The following CYP2A13 variants were observed in gnomAD, a reference collection of about 807,000 sequenced individuals.
The protein encoded by CYP2A13 is cytochrome P450 family 2 subfamily A member 13.
In CYP2A13, 30 loss-of-function variants were observed where a neutral mutation model predicts 39.4. The observed-to-expected ratio is 0.76, with a 90% CI of 0.57 to 1.03. The LOEUF is 1.03. Ranked by LOEUF, CYP2A13 falls within the 50% of genes least tolerant of loss-of-function variation. The pLI is 0.00. For synonymous variants in CYP2A13, 269 were observed against 254.7 expected (o/e 1.06, Z -0.54); for missense variants, 731 against 648.4 (o/e 1.13, Z -1.38).
At chr19:41,091,947 G>A in intron 5 of CYP2A13, 39 bp downstream of exon 5, 1 of 1,608,082 alleles carries the variant, frequency 6.2e-7, no homozygotes, top group East Asian at 2.2e-5. Flanking sequence ...TGCAAAGCCA[G>A]GGAGAGGGAA....
At chr19:41,091,351 C>T (rs1386990760) in intron 4 of CYP2A13, among the ~76,000 whole-genome samples, 1 of 152,144 alleles carries the variant, frequency 6.6e-6, no homozygotes, top group Non-Finnish European at 1.5e-5. Flanking sequence ...CACTTGAATG[C>T]CTAAATACCT....
In CYP2A13 at chr19:41,095,953, G is replaced by A; in HGVS notation, c.*12G>A. ...TCCTGCCCCGCTGAGCGAGGGCTGT[G>A]CTGGTGCAGGGCTGGTGGGCGGGGC... On this transcript the variant is annotated 3_prime_UTR_variant, in exon 9 of 9. Transcript: ENST00000330436. The A allele has an allele frequency of 1.2e-6, 2 of 1,613,544 alleles. No individual in the cohort carries two copies. The highest frequency in any genetic ancestry group is 8.5e-7 in the Non-Finnish European group (1 of 1,179,806).
intron 5 of CYP2A13, among the ~76,000 whole-genome samples, chr19:41,092,312 T>TAA (rs529985444): frequency 0.011 from 592 of 53,794 alleles, 19 homozygotes; most frequent in Admixed American, 0.02. Context: ...CAAGACCCTG[T>TAA]AAAAAAAAAA....
chr19:41,089,108 G>C lies in CYP2A13; in HGVS notation c.343+17G>C, dbSNP rs778457382. On this transcript the variant is annotated intron_variant, in intron 2 of 8. Transcript: ENST00000330436. Reference sequence around the variant, plus strand: ...AAGGCTATGGTGAGGGGGTGCCCAAGAGGGGGAAGGTGGCCAGGTGGATGC... The same window carrying C: ...AAGGCTATGGTGAGGGGGTGCCCAACAGGGGGAAGGTGGCCAGGTGGATGC... The C allele has an allele frequency of 6.2e-7, 1 of 1,611,586 alleles. No individual in the cohort carries two copies. Among genetic ancestry groups the C allele is most frequent in the Non-Finnish European group, 8.5e-7 (1 of 1,179,520 alleles).
chr19:41,093,256 T>C (rs1236868439), intron 5 of CYP2A13, among the ~76,000 whole-genome samples: 3 of 151,642 alleles, frequency 2.0e-5, no homozygotes, highest in Non-Finnish European at 4.4e-5. Context: ...TGAGCCTGCA[T>C]AGTCATGTGC....
Position 41,089,060 on chromosome 19 carries a change from G to A in CYP2A13, c.312G>A (p.Gln104=), listed in dbSNP as rs537708489. The change falls in exon 2 of 9, where the codon CAG becomes CAA. Residue 104 remains glutamine, a synonymous_variant. Transcript: ENST00000330436. The part of the protein sequence containing the change: ...QAEEFSGRGE[Q]ATFDWLFKGY... Reference sequence around the variant, plus strand: ...AGGAGTTCAGCGGGCGAGGCGAGCAGGCCACCTTCGACTGGCTCTTCAAAG... The same window carrying A: ...AGGAGTTCAGCGGGCGAGGCGAGCAAGCCACCTTCGACTGGCTCTTCAAAG... The A allele has an allele frequency of 1.3e-4, 217 of 1,612,878 alleles. No homozygotes were observed. Among genetic ancestry groups the A allele is most frequent in the South Asian group, 1.0e-3 (95 of 91,018 alleles).
At position 41,091,748 on chromosome 19, in the gene CYP2A13, C is replaced by T. The variant is rs778362842; in HGVS notation, c.671C>T (p.Ser224Phe). The T allele has an allele frequency of 8.7e-6, 14 of 1,613,882 alleles. No homozygotes were observed. In the East Asian group the frequency reaches 2.9e-4, roughly 33 times the overall value. The change falls in exon 5 of 9, where the codon TCT becomes TTT. Residue 224 changes from serine (S) to phenylalanine (F), a missense_variant. By Grantham distance (155) the Ser-to-Phe change is radical. Coordinates refer to ENST00000330436, the MANE Select transcript of CYP2A13 (RefSeq NM_000766.5). ...TSTGQLYEMF[S>F]SVMKHLPGPQ... ...CAACCCCAGCTCTATGAGATGTTCT[C>T]TTCGGTGATGAAACACCTGCCAGGA...
At chr19:41,095,161 A>T (rs1015660644) in intron 8 of CYP2A13, 61 bp downstream of exon 8, 5 of 1,612,462 alleles carry the variant, frequency 3.1e-6, no homozygotes, top group African/African-American at 2.7e-5. Context: ...TCTCTCACCC[A>T]CCTCCCCTCT....
chr19:41,091,878 C>T lies in CYP2A13; in HGVS notation c.801C>T (p.Phe267=). 1 of 1,614,246 alleles carries T rather than the reference C, an allele frequency of 6.2e-7. No individual in the cohort carries two copies. Residue 267 remains phenylalanine (F), a synonymous_variant, in exon 5 of 9, where the codon TTC becomes TTT. Transcript: ENST00000330436. ...TGGATCCCAATTCCCCACGGGACTTCATCGACTCCTTTCTCATCCGCATGC... is the reference window on the plus strand; with the variant it reads ...TGGATCCCAATTCCCCACGGGACTTTATCGACTCCTTTCTCATCCGCATGC... ...RTLDPNSPRD[F]IDSFLIRMQE...
chr19:41,090,258 T>C, intron 3 of CYP2A13, 62 bp downstream of exon 3: 11 of 1,558,002 alleles, frequency 7.1e-6, no homozygotes, highest in Non-Finnish European at 9.6e-6. Context: ...GGATGGGGAC[T>C]AGGTGGGGAA....
intron 2 of CYP2A13, among the ~76,000 whole-genome samples, chr19:41,089,811 T>C (rs1379420894): frequency 8.4e-4 from 4 of 4,754 alleles, no homozygotes; most frequent in East Asian, 4.1e-3. Flanking sequence ...CCGGTCTCTC[T>C]CTCTCTCTCT....
In CYP2A13 at chr19:41,090,398, C is replaced by G; in HGVS notation, c.494-6C>G. The G allele has an allele frequency of 6.2e-7, 1 of 1,614,092 alleles. No homozygotes were observed. Among genetic ancestry groups the G allele is most frequent in the Non-Finnish European group, 8.5e-7 (1 of 1,180,032 alleles). On this transcript the variant is annotated splice_region_variant and splice_polypyrimidine_tract_variant and intron_variant, in intron 3 of 8. Transcript: ENST00000330436. ...CCCCAACCCCCTTCTCCCGCCACAC[C>G]TGCAGGCGCCAATATCGATCCCACC...
Position 41,090,427 on chromosome 19 carries a change from T to C in CYP2A13, c.517T>C (p.Phe173Leu), listed in dbSNP as rs201180190. 1.4e-5 allele frequency: 23 copies of C among 1,614,160 alleles called. No individual in the cohort carries two copies. Among genetic ancestry groups the C allele is most frequent in the Non-Finnish European group, 1.8e-5 (21 of 1,180,030 alleles). The change falls in exon 4 of 9, where the codon TTC becomes CTC. Residue 173 changes from phenylalanine (F) to leucine (L), a missense_variant. By Grantham distance (22) the Phe-to-Leu change is conservative. Coordinates refer to ENST00000330436, the MANE Select transcript of CYP2A13 (RefSeq NM_000766.5). ...AGGCGCCAATATCGATCCCACCTTC[T>C]TCCTGAGCCGCACAGTCTCCAATGT... ...THGANIDPTF[F>L]LSRTVSNVIS...
At chr19:41,094,582 C>G in intron 7 of CYP2A13, 150 bp downstream of exon 7, 1 of 894,720 alleles carries the variant, frequency 1.1e-6, no homozygotes, top group Non-Finnish European at 1.7e-6. Flanking sequence ...CACATCTGTT[C>G]CACCTTTCCA....
chr19:41,095,078 T>A lies in CYP2A13; in HGVS notation c.1281T>A (p.Asp427Glu). The A allele has an allele frequency of 6.2e-7, 1 of 1,614,180 alleles. No homozygotes were observed. The highest frequency in any genetic ancestry group is 8.5e-7 in the Non-Finnish European group (1 of 1,180,030). Residue 427 changes from aspartate to glutamate, a missense_variant, in exon 8 of 9, where the codon GAT (aspartate) becomes GAA (glutamate). Transcript: ENST00000330436. ...AGAAGGGGCAGTTTAAGAAGAGTGA[T>A]GCTTTTGTGCCCTTTTCCATCGGTA... ...LDKKGQFKKS[D>E]AFVPFSIGKR...
intron 6 of CYP2A13, 145 bp from the exon 7 acceptor site, chr19:41,094,100 C>G: frequency 1.5e-6 from 2 of 1,344,754 alleles, no homozygotes; most frequent in Non-Finnish European, 2.0e-6. Flanking sequence ...TGCAACAATG[C>G]GAATGGCTGA....
rs1462517959 is a variant in CYP2A13 at position 41,095,086 on chromosome 19, T to C, written c.1289T>C (p.Val430Ala). The C allele has an allele frequency of 6.2e-7, 1 of 1,614,158 alleles. No homozygotes were observed. Among genetic ancestry groups the C allele is most frequent in the Admixed American group, 1.7e-5 (1 of 60,008 alleles). The change falls in exon 8 of 9, where the codon GTG becomes GCG. Residue 430 changes from valine to alanine, a missense_variant. Transcript: ENST00000330436. ...CAGTTTAAGAAGAGTGATGCTTTTG[T>C]GCCCTTTTCCATCGGTAAGAGACCA... ...KGQFKKSDAF[V>A]PFSIGKRYCF...
chr19:41,092,055 C>G, intron 5 of CYP2A13, 147 bp downstream of exon 5: 1 of 1,278,450 alleles, frequency 7.8e-7, no homozygotes, highest in Non-Finnish European at 1.1e-6. Context: ...TGGCTCATGA[C>G]CTGTAATCCC....
At position 41,088,615 on chromosome 19, in the gene CYP2A13, G is replaced by T. The variant is rs71579362; in HGVS notation, c.144G>T (p.Gln48His). The change falls in exon 1 of 9, where the codon CAG becomes CAT. Residue 48 changes from glutamine (Q) to histidine (H), a missense_variant. Coordinates refer to ENST00000330436, the MANE Select transcript of CYP2A13 (RefSeq NM_000766.5). Reference protein sequence around the residue: ...TPLPFIGNYLQLNTEQMYNSL... With the variant: ...TPLPFIGNYLHLNTEQMYNSL... ...TGCCCTTCATTGGAAACTACCTGCA[G>T]CTGAACACAGAGCAGATGTACAACT... The T allele has an allele frequency of 5.6e-6, 9 of 1,613,922 alleles. No individual in the cohort carries two copies. In the South Asian group the frequency reaches 9.9e-5, roughly 18 times the overall value.
Sources: allele counts gnomAD v4.1 joint callset (sites outside exome capture counted in the v4.1 genomes callset), GRCh38; gene constraint gnomAD v4.1.1; transcripts MANE v1.5; gene names NCBI Gene and HGNC (gene_info 2026-07-23, HGNC 2026-07-21).